WDR7: variants seen among roughly 807,000 people sequenced by gnomAD.
WDR7 encodes the protein WD repeat domain 7.
In WDR7, 46 loss-of-function variants were observed where a neutral mutation model predicts 169.4. The ratio of observed to expected loss-of-function variants is 0.27; its 90% confidence interval spans 0.21 to 0.35. WDR7 has a LOEUF of 0.35. Ranked by LOEUF, WDR7 falls within the 10% of genes least tolerant of loss-of-function variation. WDR7 has a pLI of 1.00. For missense variants in WDR7, 1,534 were observed against 1,859.3 expected (o/e 0.83, Z 3.22); for synonymous variants, 612 against 666.8 (o/e 0.92, Z 1.27).
intron 26 of WDR7, among the ~76,000 whole-genome samples, chr18:56,990,461 A>G (rs1382732057): frequency 1.3e-5 from 2 of 152,206 alleles, no homozygotes; most frequent in Non-Finnish European, 2.9e-5. Context: ...TACATTAAAA[A>G]CAAACATCCT....
intron 12 of WDR7, among the ~76,000 whole-genome samples, chr18:56,704,638 G>A (rs933173947): frequency 6.6e-6 from 1 of 152,262 alleles, no homozygotes; most frequent in South Asian, 2.1e-4. Flanking sequence ...CCTGTCTCTT[G>A]TGTAGGAGGC....
intron 25 of WDR7, among the ~76,000 whole-genome samples, chr18:56,961,950 C>T (rs1296358102): frequency 6.6e-6 from 1 of 151,842 alleles, no homozygotes; most frequent in African/African-American, 2.4e-5. Flanking sequence ...GATTGTTCTG[C>T]CAGAAACAAT....
At chr18:56,677,679 G>A (rs2025272313) in intron 2 of WDR7, among the ~76,000 whole-genome samples, 1 of 151,966 alleles carries the variant, frequency 6.6e-6, no homozygotes, top group South Asian at 2.1e-4. Context: ...TTCTTTTTTG[G>A]CTTTTAGGAT....
rs71169393 is a variant in WDR7, at chr18:56,754,247, T to TTGTGTGTGTGTG, written c.1990-2308_1990-2297dup. Among the ~76,000 whole-genome samples, 4 of 141,696 alleles carry TTGTGTGTGTGTG rather than the reference T, an allele frequency of 2.8e-5. No individual in the cohort carries two copies. In the East Asian group the frequency reaches 6.3e-4, roughly 22 times the overall value. The allele number at this position is 141,696 out of a possible 152,430, so 93.0% of individuals were successfully genotyped here. On this transcript the variant is annotated intron_variant, in intron 14 of 27. Transcript: ENST00000254442. ...TATATCTTGGAGGATGTTTTGTGCT[T>TTGTGTGTGTGTG]TGTGTGTGTGTGTGTGTGTGTGTGT...
In WDR7 at chr18:56,672,578, C is replaced by T; in HGVS notation, c.63C>T (p.Cys21=). 1 of 1,613,080 alleles carries T rather than the reference C, an allele frequency of 6.2e-7. No homozygotes were observed. ...VLWGRKAPTH[C]ISAVLLTDDG... Reference sequence around the variant, plus strand: ...GGGGTCGAAAAGCGCCCACACATTGCATCTCAGCCGTACTTTTAACAGATG... The same window carrying T: ...GGGGTCGAAAAGCGCCCACACATTGTATCTCAGCCGTACTTTTAACAGATG... Residue 21 remains cysteine, a synonymous_variant, in exon 2 of 28, where the codon TGC becomes TGT. Transcript: ENST00000254442.
chr18:56,816,219 T>A, intron 20 of WDR7, 75 bp downstream of exon 20: 1 of 1,306,726 alleles, frequency 7.7e-7, no homozygotes, highest in Non-Finnish European at 1.1e-6. Flanking sequence ...TTATTTGTGG[T>A]GGGATTAAGT....
intron 16 of WDR7, among the ~76,000 whole-genome samples, chr18:56,762,428 G>A (rs1435789757): frequency 6.6e-6 from 1 of 151,760 alleles, no homozygotes; most frequent in Non-Finnish European, 1.5e-5. Context: ...TTTGTAGGCA[G>A]TTTTTAATTC....
intron 26 of WDR7, among the ~76,000 whole-genome samples, chr18:56,976,882 C>T (rs11151985): frequency 0.022 from 3,299 of 152,254 alleles, 115 homozygotes; most frequent in African/African-American, 0.073. Flanking sequence ...AGGAAGGCAA[C>T]CAACATTTGC....
intron 25 of WDR7, among the ~76,000 whole-genome samples, chr18:56,958,486 T>C (rs1037695865): frequency 9.9e-5 from 15 of 152,162 alleles, no homozygotes; most frequent in African/African-American, 3.6e-4. Context: ...ACAACATTTA[T>C]ATTGAAAATA....
intron 20 of WDR7, among the ~76,000 whole-genome samples, chr18:56,867,168 G>A (rs946167259): frequency 6.6e-6 from 1 of 151,936 alleles, no homozygotes; most frequent in African/African-American, 2.4e-5. Context: ...GAGACTGCAG[G>A]CACTCACCAC....
At chr18:56,928,391 G>T (rs1432538695) in intron 22 of WDR7, among the ~76,000 whole-genome samples, 27 of 152,168 alleles carry the variant, frequency 1.8e-4, no homozygotes, top group Admixed American at 1.8e-3. Context: ...CTTGAGTCTG[G>T]GAGGCCAAGG....
At chr18:56,696,205 T>C in intron 11 of WDR7, 37 bp from the exon 12 acceptor site, 2 of 1,539,686 alleles carry the variant, frequency 1.3e-6, no homozygotes, top group Non-Finnish European at 1.8e-6. Flanking sequence ...GGTAAACCTT[T>C]AATTTTCCCA....
intron 1 of WDR7, among the ~76,000 whole-genome samples, chr18:56,655,927 T>C (rs745971990): frequency 1.5e-4 from 23 of 152,198 alleles, no homozygotes; most frequent in Non-Finnish European, 2.5e-4. Context: ...TTATCAATAG[T>C]TTGTACTTCT....
chr18:56,914,468 A>G (rs769461405), intron 21 of WDR7, among the ~76,000 whole-genome samples: 14 of 152,204 alleles, frequency 9.2e-5, no homozygotes, highest in Admixed American at 2.0e-4. Flanking sequence ...CGAAATGAAT[A>G]ATAGGATCAT....
chr18:56,742,551 A>G (rs1029747339), intron 14 of WDR7, among the ~76,000 whole-genome samples: 3 of 152,236 alleles, frequency 2.0e-5, no homozygotes, highest in Non-Finnish European at 4.4e-5. Flanking sequence ...TCAGTTAAAC[A>G]TTTATTGACT....
intron 20 of WDR7, among the ~76,000 whole-genome samples, chr18:56,819,320 A>G (rs1599071521): frequency 6.6e-6 from 1 of 152,174 alleles, no homozygotes; most frequent in Non-Finnish European, 1.5e-5. Flanking sequence ...GGAGGAAAAA[A>G]ATTGGGTCTT....
intron 21 of WDR7, among the ~76,000 whole-genome samples, chr18:56,906,104 G>A (rs1310390010): frequency 1.3e-5 from 2 of 152,190 alleles, no homozygotes; most frequent in East Asian, 1.9e-4. Flanking sequence ...AGAGAGCCAG[G>A]CATTGTACGC....
chr18:56,999,370 TAAGTAAATATTAGG>T (rs1386137496), intron 26 of WDR7, among the ~76,000 whole-genome samples: 1 of 152,176 alleles, frequency 6.6e-6, no homozygotes, highest in Non-Finnish European at 1.5e-5. Flanking sequence ...ATTTTAGGAA[TAAGTAAATATTAGG>T]AAATATATAT....
chr18:56,992,508 A>G (rs1352184060), intron 26 of WDR7, among the ~76,000 whole-genome samples: 1 of 152,188 alleles, frequency 6.6e-6, no homozygotes, highest in Non-Finnish European at 1.5e-5. Context: ...TAAAGCTTGA[A>G]TTTTGGCCAA....
Sources: allele counts gnomAD v4.1 joint callset (sites outside exome capture counted in the v4.1 genomes callset), GRCh38; gene constraint gnomAD v4.1.1; transcripts MANE v1.5; gene names NCBI Gene and HGNC (gene_info 2026-07-23, HGNC 2026-07-21).